Variants in TMEM108 observed in about 807,000 individuals in gnomAD.
The protein encoded by TMEM108 is cancer/testis antigen 124.
TMEM108 carries 12 observed loss-of-function variants against 35.1 expected under a neutral mutation model. The observed-to-expected ratio is 0.34, with a 90% CI of 0.22 to 0.55. The LOEUF is 0.55. Among genes scored for constraint, TMEM108 ranks in the 20% least tolerant of loss-of-function variants. The pLI, the probability that TMEM108 is intolerant of heterozygous loss-of-function variation, is 0.89. For missense variants in TMEM108, 680 were observed against 753.3 expected (o/e 0.90, Z 1.14); for synonymous variants, 287 against 308.6 (o/e 0.93, Z 0.73).
At chr3:133,212,797 C>T (rs752830288) in intron 2 of TMEM108, among the ~76,000 whole-genome samples, 5 of 139,500 alleles carry the variant, frequency 3.6e-5, no homozygotes, top group Non-Finnish European at 7.6e-5. Context: ...ACTCGGGCGG[C>T]GGAGGTTGCA....
At chr3:133,105,316 T>G (rs1045734265) in intron 2 of TMEM108, among the ~76,000 whole-genome samples, 23 of 152,152 alleles carry the variant, frequency 1.5e-4, no homozygotes, top group Non-Finnish European at 3.1e-4. Context: ...GGTCCATGGC[T>G]CTCTTCCTCC....
chr3:133,214,318 G>A (rs66572811), intron 2 of TMEM108, among the ~76,000 whole-genome samples: 19,956 of 152,076 alleles, frequency 0.13, 1,431 homozygotes, highest in South Asian at 0.22. Flanking sequence ...GTCCCCACCT[G>A]TAAAGCAGGC....
chr3:133,295,910 T>G (rs1947138500), intron 3 of TMEM108, among the ~76,000 whole-genome samples: 1 of 152,186 alleles, frequency 6.6e-6, no homozygotes, highest in Middle Eastern at 3.4e-3. Context: ...TGAATGAAAA[T>G]AATTTGTTGC....
At chr3:133,231,979 A>G (rs986465128) in intron 3 of TMEM108, among the ~76,000 whole-genome samples, 2 of 151,970 alleles carry the variant, frequency 1.3e-5, no homozygotes. Flanking sequence ...TGTCTCTCTG[A>G]CCCCTGCATA....
chr3:133,325,720 A>G (rs1039259004), intron 3 of TMEM108, among the ~76,000 whole-genome samples: 8 of 149,808 alleles, frequency 5.3e-5, no homozygotes, highest in African/African-American at 1.9e-4. Context: ...TAAAAATAAT[A>G]TATATAAAAA....
chr3:133,331,948 G>A (rs139222914), intron 3 of TMEM108, among the ~76,000 whole-genome samples: 7 of 152,198 alleles, frequency 4.6e-5, no homozygotes, highest in Non-Finnish European at 8.8e-5. Flanking sequence ...AGGTCTGAAC[G>A]TATAGACCAT....
In TMEM108 at chr3:133,285,610, A is replaced by T. The variant is rs574405274; in HGVS notation, c.40+56259A>T. Among the ~76,000 whole-genome samples the T allele has an allele frequency of 5.9e-4, 90 of 152,308 alleles. 1 individual carries two copies. The highest frequency in any genetic ancestry group is 2.1e-3 in the African/African-American group (87 of 41,568). On this transcript the variant is annotated intron_variant, in intron 3 of 5. Coordinates refer to ENST00000321871, the MANE Select transcript of TMEM108 (RefSeq NM_023943.4). ...CCACTTGCTAAAAGCTATAGCCCCT[A>T]GCAGTAGCAAGCAATGGCACATTTT...
chr3:133,264,644 A>G (rs1187471519), intron 3 of TMEM108, among the ~76,000 whole-genome samples: 6 of 152,196 alleles, frequency 3.9e-5, no homozygotes, highest in African/African-American at 1.4e-4. Flanking sequence ...GTCTAAGTGC[A>G]TGCACTGGCT....
intron 2 of TMEM108, among the ~76,000 whole-genome samples, chr3:133,096,597 C>G (rs1423930198): frequency 1.3e-5 from 2 of 152,176 alleles, no homozygotes; most frequent in African/African-American, 4.8e-5. Context: ...ATGCTGACGC[C>G]TCTGCCTCCC....
intron 3 of TMEM108, among the ~76,000 whole-genome samples, chr3:133,263,294 A>T (rs754360862): frequency 1.3e-5 from 2 of 152,256 alleles, no homozygotes; most frequent in Non-Finnish European, 2.9e-5. Context: ...AGCAAAGAAC[A>T]TGCCATCTGA....
intron 3 of TMEM108, among the ~76,000 whole-genome samples, chr3:133,329,283 T>C (rs2071365917): frequency 6.6e-6 from 1 of 152,156 alleles, no homozygotes; most frequent in South Asian, 2.1e-4. Context: ...CTGGGACTAT[T>C]TTCCAAGTCG....
chr3:133,048,991 TG>T (rs1269764879), intron 2 of TMEM108, among the ~76,000 whole-genome samples: 1 of 152,208 alleles, frequency 6.6e-6, no homozygotes, highest in Non-Finnish European at 1.5e-5. Flanking sequence ...TCAAAATTTC[TG>T]GGAGTGGGCG....
intron 2 of TMEM108, among the ~76,000 whole-genome samples, chr3:133,099,793 C>T (rs1321757541): frequency 2.0e-5 from 3 of 152,174 alleles, no homozygotes; most frequent in African/African-American, 7.2e-5. Flanking sequence ...CAGCCTGGAC[C>T]TTATTGTTCA....
chr3:133,138,124 A>G (rs924085080), intron 2 of TMEM108, among the ~76,000 whole-genome samples: 2 of 152,178 alleles, frequency 1.3e-5, no homozygotes, highest in African/African-American at 4.8e-5. Flanking sequence ...CAGCCAAAAG[A>G]GTAGAGTATT....
chr3:133,250,711 T>C (rs559758370), intron 3 of TMEM108, among the ~76,000 whole-genome samples: 2 of 152,340 alleles, frequency 1.3e-5, no homozygotes, highest in Non-Finnish European at 2.9e-5. Context: ...TGTTAAACAA[T>C]TGTGTTTTTC....
intron 2 of TMEM108, among the ~76,000 whole-genome samples, chr3:133,053,614 CAT>C (rs1175166001): frequency 1.3e-5 from 2 of 152,310 alleles, no homozygotes; most frequent in African/African-American, 4.8e-5. Context: ...GAATTTCAGT[CAT>C]GTGGCAAGTC....
intron 2 of TMEM108, among the ~76,000 whole-genome samples, chr3:133,157,004 T>C (rs1944891532): frequency 6.6e-6 from 1 of 152,208 alleles, no homozygotes; most frequent in South Asian, 2.1e-4. Context: ...ATTTCTGTCA[T>C]TTAAAGTAAT....
intron 2 of TMEM108, among the ~76,000 whole-genome samples, chr3:133,217,802 C>T (rs1240047608): frequency 6.6e-6 from 1 of 151,920 alleles, no homozygotes; most frequent in East Asian, 1.9e-4. Context: ...ATGTCAATAC[C>T]AAACAGTTTT....
At chr3:133,146,988 C>A (rs1944730763) in intron 2 of TMEM108, among the ~76,000 whole-genome samples, 1 of 151,976 alleles carries the variant, frequency 6.6e-6, no homozygotes, top group African/African-American at 2.4e-5. Flanking sequence ...TTAGTTATTT[C>A]TTGTCTTCTG....
Sources: allele counts gnomAD v4.1 joint callset (sites outside exome capture counted in the v4.1 genomes callset), GRCh38; gene constraint gnomAD v4.1.1; transcripts MANE v1.5; gene names NCBI Gene and HGNC (gene_info 2026-07-23, HGNC 2026-07-21).